Variants in GABARAPL2 observed in about 807,000 individuals in gnomAD.
GABARAPL2 encodes the protein GABA type A receptor associated protein like 2.
Under a neutral mutation model 16.9 loss-of-function variants are expected in GABARAPL2, and 11 were observed. The observed-to-expected ratio is 0.65, with a 90% confidence interval of 0.41 to 1.08. The LOEUF is 1.08. Among genes scored for constraint, GABARAPL2 ranks in the 50% least tolerant of loss-of-function variants. The pLI is 0.00. For synonymous variants in GABARAPL2, 57 were observed against 50.7 expected, an observed-to-expected ratio of 1.12 and a Z score of -0.53; for missense variants, 134 against 142.5, an observed-to-expected ratio of 0.94 and a Z score of 0.30.
At chr16:75,566,736 G>C in intron 1 of GABARAPL2, 116 bp from the exon 2 acceptor site, 1 of 1,096,208 alleles carries the variant, frequency 9.1e-7, no homozygotes, top group Non-Finnish European at 1.4e-6. Context: ...CCGCGGCCCC[G>C]GGGACGCCGG....
chr16:75,568,209 G>C lies in GABARAPL2; in HGVS notation c.263G>C (p.Ser88Thr), dbSNP rs771730679. 2 of 1,591,134 alleles carry C rather than the reference G, an allele frequency of 1.3e-6. No individual in the cohort carries two copies. Among genetic ancestry groups the C allele is most frequent in the South Asian group, 1.1e-5 (1 of 90,218 alleles). The part of the protein sequence containing the change: ...LFVDKTVPQS[S>T]LTMGQLYEKE... ...GTGGATAAGACAGTCCCACAGTCCA[G>C]GTGAGAGGTGTTTACTAGATGGGCC... The change falls in exon 3 of 4, where the codon AGC (serine) becomes ACC (threonine). Residue 88 changes from serine (S) to threonine (T), a missense_variant and splice_region_variant. Ser to Thr is a moderately conservative substitution (Grantham distance 58). Coordinates refer to ENST00000037243, the MANE Select transcript of GABARAPL2 (RefSeq NM_007285.7).
intron 3 of GABARAPL2, among the ~76,000 whole-genome samples, chr16:75,569,906 C>T (rs185638389): frequency 6.6e-6 from 1 of 152,262 alleles, no homozygotes; most frequent in Non-Finnish European, 1.5e-5. Context: ...AGAATCAACC[C>T]TAAAGCAGAT....
chr16:75,566,696 G>C (rs912770811), intron 1 of GABARAPL2, 156 bp from the exon 2 acceptor site: 9 of 953,672 alleles, frequency 9.4e-6, no homozygotes, highest in Non-Finnish European at 1.3e-5. Context: ...ACCCTCCGCG[G>C]GCCTTGCTGG....
rs755486288 is a variant in GABARAPL2, at chr16:75,577,357, T to C, written c.342T>C (p.Thr114=). 6.2e-7 allele frequency: 1 copy of C among 1,606,586 alleles called. No individual in the cohort carries two copies. The highest frequency in any genetic ancestry group is 1.7e-4 in the Middle Eastern group (1 of 6,048). The change falls in exon 4 of 4, where the codon ACT becomes ACC. Residue 114 remains threonine (T), a synonymous_variant. Transcript: ENST00000037243. ...ATGTGGCCTACAGCGGAGAGAACACTTTTGGCTTCTGAGGGCCATTGCTGG... is the reference window on the plus strand; with the variant it reads ...ATGTGGCCTACAGCGGAGAGAACACCTTTGGCTTCTGAGGGCCATTGCTGG... ...FLYVAYSGEN[T]FGF is the part of the protein sequence containing the mutation.
chr16:75,566,403 C>A lies in GABARAPL2; in HGVS notation c.-84C>A, dbSNP rs538421845. On this transcript the variant is annotated 5_prime_UTR_variant, in exon 1 of 4. Transcript: ENST00000037243. Reference sequence around the variant, plus strand: ...TAGTCGCCGCCGTCGCTGCCGCTGCCGCTGCCGCCGTCGTTGTTGTTGTGC... The same window carrying A: ...TAGTCGCCGCCGTCGCTGCCGCTGCAGCTGCCGCCGTCGTTGTTGTTGTGC... The A allele has an allele frequency of 1.2e-5, 13 of 1,056,088 alleles. No individual in the cohort carries two copies. The highest frequency in any genetic ancestry group is 9.8e-5 in the African/African-American group (6 of 61,238). The allele number at this position is 1,056,088 out of a possible 1,614,324, so 65.4% of individuals were successfully genotyped here.
intron 3 of GABARAPL2, among the ~76,000 whole-genome samples, chr16:75,573,032 T>G (rs2080925632): frequency 6.6e-6 from 1 of 152,188 alleles, no homozygotes; most frequent in African/African-American, 2.4e-5. Flanking sequence ...ATAGATGCAT[T>G]AGAGCTGCCT....
At chr16:75,566,978 C>T (rs2080887864) in intron 2 of GABARAPL2, 71 bp downstream of exon 2, 2 of 1,268,160 alleles carry the variant, frequency 1.6e-6, no homozygotes, top group Non-Finnish European at 1.1e-6. Flanking sequence ...GGCCCCAGGC[C>T]ATTCAACAGT....
chr16:75,569,718 A>G (rs2080904105), intron 3 of GABARAPL2, among the ~76,000 whole-genome samples: 1 of 152,156 alleles, frequency 6.6e-6, no homozygotes, highest in African/African-American at 2.4e-5. Context: ...CCTTAAGATT[A>G]CTCAGATGGC....
chr16:75,571,458 C>T (rs2080914080), intron 3 of GABARAPL2, among the ~76,000 whole-genome samples: 1 of 152,124 alleles, frequency 6.6e-6, no homozygotes, highest in African/African-American at 2.4e-5. Flanking sequence ...TCTCCAAGTC[C>T]CATTTGCCTT....
chr16:75,577,075 A>C (rs139039317), intron 3 of GABARAPL2: 2 of 495,390 alleles, frequency 4.0e-6, no homozygotes, highest in African/African-American at 3.9e-5. Context: ...TTTACTTGGG[A>C]GGATGTCAAA....
rs1017791269 is a variant in GABARAPL2 at position 75,577,632 on chromosome 16, G to T, written c.*263G>T. 1 of 351,820 alleles carries T rather than the reference G, an allele frequency of 2.8e-6. No homozygotes were observed. The highest frequency in any genetic ancestry group is 5.2e-6 in the Non-Finnish European group (1 of 191,822). The allele number at this position is 351,820 out of a possible 1,614,324, so 21.8% of individuals were successfully genotyped here. On this transcript the variant is annotated 3_prime_UTR_variant, in exon 4 of 4. Transcript: ENST00000037243. The stretch of plus-strand genomic sequence containing the variant: ...TGTCCTTCTGGAAATCATATTGAAT[G>T]ATATTTCTATATCGAAGTGAGGTAG...
chr16:75,573,826 T>G (rs2080930944), intron 3 of GABARAPL2, among the ~76,000 whole-genome samples: 1 of 152,208 alleles, frequency 6.6e-6, no homozygotes, highest in African/African-American at 2.4e-5. Flanking sequence ...TCTCCTAGTT[T>G]TGTGACCTGG....
rs1024729564 is a variant in GABARAPL2, at chr16:75,577,137, T to C, written c.264-142T>C. On this transcript the variant is annotated intron_variant, in intron 3 of 3. Coordinates refer to ENST00000037243, the MANE Select transcript of GABARAPL2 (RefSeq NM_007285.7). Reference sequence around the variant, plus strand: ...TATTTTAATCTTTTTATGGCTCCTTTCTCTTGCTTTAAAACAGGATTATAA... The same window carrying C: ...TATTTTAATCTTTTTATGGCTCCTTCCTCTTGCTTTAAAACAGGATTATAA... 6.5e-5 allele frequency: 39 copies of C among 600,454 alleles called. No individual in the cohort carries two copies. In the African/African-American group the frequency reaches 6.6e-4, roughly 10 times the overall value. The allele number at this position is 600,454 out of a possible 1,614,324, so 37.2% of individuals were successfully genotyped here.
chr16:75,567,725 C>T (rs1365046459), intron 2 of GABARAPL2, among the ~76,000 whole-genome samples: 2 of 152,104 alleles, frequency 1.3e-5, no homozygotes, highest in African/African-American at 2.4e-5. Context: ...CCTGGAGTAA[C>T]GGGCCATGGA....
Position 75,568,145 on chromosome 16 carries a change from A to C in GABARAPL2, c.199A>C (p.Arg67=). 6.2e-7 allele frequency: 1 copy of C among 1,612,832 alleles called. No homozygotes were observed. The highest frequency in any genetic ancestry group is 8.5e-7 in the Non-Finnish European group (1 of 1,178,840). ...VAQFMWIIRK[R]IQLPSEKAIF... ...TCAGTTCATGTGGATCATCAGGAAA[A>C]GGATCCAGCTTCCTTCTGAAAAGGC... Residue 67 remains arginine, a synonymous_variant, in exon 3 of 4, where the codon AGG becomes CGG. Transcript: ENST00000037243.
chr16:75,570,720 T>C (rs920269766), intron 3 of GABARAPL2, among the ~76,000 whole-genome samples: 1 of 152,214 alleles, frequency 6.6e-6, no homozygotes, highest in Non-Finnish European at 1.5e-5. Context: ...ATTCTATAAA[T>C]AGAGACAGAG....
chr16:75,571,700 C>G (rs967091215), intron 3 of GABARAPL2, among the ~76,000 whole-genome samples: 1 of 146,818 alleles, frequency 6.8e-6, no homozygotes, highest in Non-Finnish European at 1.5e-5. Flanking sequence ...GACGGAGTTT[C>G]ACTCATGTCG....
In GABARAPL2 at chr16:75,566,390, TCGCTGC is replaced by T. The variant is rs928334431; in HGVS notation, c.-81_-76del. ...CCCGCCTGCCGTGTAGTCGCCGCCG[TCGCTGC>T]CGCTGCCGCTGCCGCCGTCGTTGTT... is the stretch of plus-strand genomic sequence containing the variant. On this transcript the variant is annotated 5_prime_UTR_variant, in exon 1 of 4. Transcript: ENST00000037243. The T allele has an allele frequency of 9.2e-5, 85 of 920,008 alleles. No homozygotes were observed. The highest frequency in any genetic ancestry group is 2.0e-4 in the South Asian group (14 of 70,554). 57.0% of individuals were successfully genotyped at this position (920,008 alleles called of 1,614,324 possible).
At chr16:75,567,144 C>T (rs1220693435) in intron 2 of GABARAPL2, among the ~76,000 whole-genome samples, 4 of 152,212 alleles carry the variant, frequency 2.6e-5, no homozygotes, top group Non-Finnish European at 4.4e-5. Flanking sequence ...TCTGCAGCCT[C>T]GGGGCTCCCT....
Sources: gnomAD v4.1 joint callset for allele counts (sites outside exome capture counted in the v4.1 genomes callset) on GRCh38, gnomAD v4.1.1 for gene constraint, MANE v1.5 for transcripts, NCBI Gene and HGNC (gene_info 2026-07-23, HGNC 2026-07-21) for gene names.